Variants in CALN1 observed in about 807,000 individuals in gnomAD.
The protein encoded by CALN1 is calcium-binding protein 8.
Under a neutral mutation model 30.6 loss-of-function variants are expected in CALN1, and 17 were observed. The ratio of observed to expected loss-of-function variants is 0.56; its 90% CI spans 0.38 to 0.83. CALN1 has a LOEUF of 0.83. CALN1 is among the 40% of genes least tolerant of loss of function. The pLI is 0.00. For synonymous variants in CALN1, 156 were observed against 131.4 expected, an observed-to-expected ratio of 1.19 and a Z score of -1.28; for missense variants, 291 against 354.9, an observed-to-expected ratio of 0.82 and a Z score of 1.45.
Position 72,308,372 on chromosome 7 carries a change from GGA to G in CALN1, c.120-29564_120-29563del, listed in dbSNP as rs150660773. Among the ~76,000 whole-genome samples the G allele has an allele frequency of 1.3e-3, 125 of 92,604 alleles. 5 individuals are homozygous for G. Among genetic ancestry groups the G allele is most frequent in the African/African-American group, 3.9e-3 (69 of 17,858 alleles). 60.8% of individuals were successfully genotyped at this position (92,604 alleles called of 152,430 possible). ...GAGTGAGATGCTGTCTGTGGGGGGGGGAGAGAGAGAGAGAGAGAGAGAGAGAG... is the reference window on the plus strand; with the variant it reads ...GAGTGAGATGCTGTCTGTGGGGGGGGGAGAGAGAGAGAGAGAGAGAGAGAG... On this transcript the variant is annotated intron_variant, in intron 2 of 6. Transcript: ENST00000395275.
At chr7:71,986,172 C>T (rs149446021) in intron 5 of CALN1, among the ~76,000 whole-genome samples, 1,647 of 152,176 alleles carry the variant, frequency 0.011, 16 homozygotes, top group Non-Finnish European at 0.016. Flanking sequence ...GTCAGCCTCC[C>T]GAGCAGCTGG....
chr7:71,890,074 A>G (rs1793150706), intron 5 of CALN1, among the ~76,000 whole-genome samples: 1 of 152,142 alleles, frequency 6.6e-6, no homozygotes, highest in Non-Finnish European at 1.5e-5. Context: ...CATTCCCTGA[A>G]TGAGAGCAAT....
chr7:72,306,696 C>A (rs1215892725), intron 2 of CALN1, among the ~76,000 whole-genome samples: 1 of 151,780 alleles, frequency 6.6e-6, no homozygotes, highest in Admixed American at 6.6e-5. Flanking sequence ...AGCCTAGAAG[C>A]CCCCATTTTG....
intron 3 of CALN1, among the ~76,000 whole-genome samples, chr7:72,254,910 G>T (rs573000088): frequency 6.6e-6 from 1 of 151,886 alleles, no homozygotes; most frequent in Non-Finnish European, 1.5e-5. Context: ...GGGATTACAG[G>T]CTTGCACCAC....
chr7:72,226,495 T>C (rs112894038), intron 3 of CALN1, among the ~76,000 whole-genome samples: 1,826 of 152,254 alleles, frequency 0.012, 32 homozygotes, highest in African/African-American at 0.042. Context: ...CTTCATAAGA[T>C]GACCCAGCTT....
At position 71,932,598 on chromosome 7, in the gene CALN1, C is replaced by T. The variant is rs192628234; in HGVS notation, c.501+91059G>A. The stretch of plus-strand genomic sequence containing the variant: ...GGAGGCCGAGGCGGGCGGATCACAA[C>T]GTCAGGAGATCAAGACCATCCTGGC... On this transcript the variant is annotated intron_variant, in intron 5 of 6. Coordinates refer to ENST00000395275, the MANE Select transcript of CALN1 (RefSeq NM_031468.4). Among the ~76,000 whole-genome samples, 24 of 151,892 alleles carry T rather than the reference C, an allele frequency of 1.6e-4. No homozygotes were observed. In the East Asian group the frequency reaches 2.0e-3, roughly 12 times the overall value.
intron 2 of CALN1, among the ~76,000 whole-genome samples, chr7:72,345,768 C>T (rs754806292): frequency 6.6e-6 from 1 of 152,136 alleles, no homozygotes; most frequent in Non-Finnish European, 1.5e-5. Flanking sequence ...GAATCAAGTT[C>T]GGCCTTAAAT....
At chr7:72,435,443 A>T (rs1808123287) in intron 1 of CALN1, among the ~76,000 whole-genome samples, 1 of 152,196 alleles carries the variant, frequency 6.6e-6, no homozygotes, top group Admixed American at 6.5e-5. Flanking sequence ...AAGTGTAAAC[A>T]CTGGAGAAAC....
intron 1 of CALN1, among the ~76,000 whole-genome samples, chr7:72,426,356 G>A (rs569382169): frequency 5.8e-4 from 88 of 152,302 alleles, no homozygotes; most frequent in African/African-American, 2.0e-3. Context: ...GGATCATGGG[G>A]GAGTTTCTCC....
At chr7:71,800,880 G>A (rs956241036) in intron 6 of CALN1, among the ~76,000 whole-genome samples, 3 of 152,028 alleles carry the variant, frequency 2.0e-5, no homozygotes, top group South Asian at 2.1e-4. Flanking sequence ...GTAAACGTGC[G>A]CCATGGTGGT....
intron 2 of CALN1, among the ~76,000 whole-genome samples, chr7:72,323,952 G>A (rs1019044502): frequency 2.6e-5 from 4 of 151,958 alleles, no homozygotes; most frequent in East Asian, 3.9e-4. Flanking sequence ...GCTGAGGCAG[G>A]AGGATCACTT....
At chr7:72,391,712 GTTTT>G (rs1320300296) in intron 2 of CALN1, among the ~76,000 whole-genome samples, 3 of 151,904 alleles carry the variant, frequency 2.0e-5, no homozygotes, top group South Asian at 2.1e-4. Context: ...AAGTTTTTTT[GTTTT>G]TTGTTTTTGT....
intron 6 of CALN1, among the ~76,000 whole-genome samples, chr7:71,797,638 T>A (rs2115997104): frequency 6.6e-6 from 1 of 152,302 alleles, no homozygotes; most frequent in South Asian, 2.1e-4. Flanking sequence ...TCTCATGCCC[T>A]GCATCTCAGG....
chr7:71,837,681 G>A (rs1459321933), intron 5 of CALN1, among the ~76,000 whole-genome samples: 1 of 152,128 alleles, frequency 6.6e-6, no homozygotes, highest in Non-Finnish European at 1.5e-5. Context: ...ATCAAAACAA[G>A]GGGTTCAAGA....
At chr7:72,279,565 T>A (rs755906610) in intron 2 of CALN1, among the ~76,000 whole-genome samples, 4 of 152,168 alleles carry the variant, frequency 2.6e-5, no homozygotes, top group Non-Finnish European at 5.9e-5. Flanking sequence ...TGAACCCAGA[T>A]GGTCATCAAT....
At chr7:72,428,099 C>T (rs954165501) in intron 1 of CALN1, among the ~76,000 whole-genome samples, 2 of 152,170 alleles carry the variant, frequency 1.3e-5, no homozygotes, top group Non-Finnish European at 2.9e-5. Flanking sequence ...CAGACACAGT[C>T]GAGACACTCC....
chr7:72,212,074 C>T (rs552025015), intron 3 of CALN1, among the ~76,000 whole-genome samples: 5 of 152,116 alleles, frequency 3.3e-5, no homozygotes, highest in African/African-American at 7.2e-5. Flanking sequence ...AGAGAGGGGC[C>T]GGGCACGGTG....
intron 5 of CALN1, among the ~76,000 whole-genome samples, chr7:71,861,777 C>CAAAAAAAA (rs35793572): frequency 1.3e-5 from 1 of 74,710 alleles, no homozygotes; most frequent in Non-Finnish European, 2.4e-5. Flanking sequence ...CAACTCTATC[C>CAAAAAAAA]AAAAAAAAAA....
chr7:72,420,311 G>C (rs146735669), intron 1 of CALN1, among the ~76,000 whole-genome samples: 1 of 152,270 alleles, frequency 6.6e-6, no homozygotes, highest in Non-Finnish European at 1.5e-5. Flanking sequence ...CTGGAGCCCA[G>C]CATGAAATAA....
Sources: allele counts gnomAD v4.1 joint callset (sites outside exome capture counted in the v4.1 genomes callset), GRCh38; gene constraint gnomAD v4.1.1; transcripts MANE v1.5; gene names NCBI Gene and HGNC (gene_info 2026-07-23, HGNC 2026-07-21).